The following MYOM2 variants were observed in gnomAD, a reference collection of about 807,000 sequenced individuals.
MYOM2 encodes myomesin 2, also known as myomesin-2.
A neutral mutation model predicts 187.6 loss-of-function variants in MYOM2; 254 were observed. The observed-to-expected ratio is 1.35, with a 90% CI of 1.22 to 1.50. MYOM2 has a LOEUF of 1.50. MYOM2 is among the 40% of genes most tolerant of loss of function. The pLI is 0.00. For missense variants in MYOM2, 2,796 were observed against 1,924.0 expected, an observed-to-expected ratio of 1.45 and a Z score of -8.48; for synonymous variants, 981 against 753.8, an observed-to-expected ratio of 1.30 and a Z score of -4.94.
chr8:2,096,127 A>G (rs1796473703), intron 17 of MYOM2, 120 bp from the exon 18 acceptor site: 1 of 877,838 alleles, frequency 1.1e-6, no homozygotes, highest in Non-Finnish European at 1.8e-6. Flanking sequence ...CAGAGGGCAC[A>G]GTGTTCAGGC....
At chr8:2,068,475 G>C (rs544267294) in intron 6 of MYOM2, among the ~76,000 whole-genome samples, 1 of 149,652 alleles carries the variant, frequency 6.7e-6, no homozygotes, top group African/African-American at 2.5e-5. Flanking sequence ...AGAGCATCCC[G>C]TGGGCAGCTC....
rs547293879 is a variant in MYOM2, at chr8:2,085,574, T to A, written c.1644+184T>A. ...TGTCATGATCTCTGCGTGGCCCCAC[T>A]GTTGTGATCTCTGCGTGGCCCCACT... On this transcript the variant is annotated intron_variant, in intron 14 of 36. Transcript: ENST00000262113. Among the ~76,000 whole-genome samples, 16 of 16,906 alleles carry A rather than the reference T, an allele frequency of 9.5e-4. 7 individuals carry two copies. Among genetic ancestry groups the A allele is most frequent in the Admixed American group, 3.1e-3 (4 of 1,282 alleles). The allele number at this position is 16,906 out of a possible 152,430, so 11.1% of individuals were successfully genotyped here.
intron 8 of MYOM2, among the ~76,000 whole-genome samples, chr8:2,071,327 G>T (rs1185923543): frequency 6.6e-6 from 1 of 152,032 alleles, no homozygotes; most frequent in Non-Finnish European, 1.5e-5. Flanking sequence ...CTACATGCAT[G>T]TGTCTGTAAA....
At chr8:2,070,018 C>T (rs776873602) in intron 8 of MYOM2, among the ~76,000 whole-genome samples, 68 of 152,318 alleles carry the variant, frequency 4.5e-4, no homozygotes, top group South Asian at 6.2e-4. Context: ...CCGCCCCAGG[C>T]CTAGGACCTG....
intron 2 of MYOM2, 98 bp from the exon 3 acceptor site, chr8:2,052,060 G>C (rs775175080): frequency 6.8e-7 from 1 of 1,469,196 alleles, no homozygotes; most frequent in Non-Finnish European, 9.4e-7. Flanking sequence ...GCATATACCA[G>C]TGGTTTGGGG....
rs145770933 is a variant in MYOM2 at position 2,105,757 on chromosome 8, A to C, written c.2735-485A>C. Among the ~76,000 whole-genome samples, 11 of 152,354 alleles carry C rather than the reference A, an allele frequency of 7.2e-5. No individual in the cohort carries two copies. The East Asian group carries it at 1.7e-3, about 24-fold the overall frequency. ...GTGTTTTCTCTCTCACGATTCTCTC[A>C]TCAGTCCTGGGTCATTAAATGCAAC... is the stretch of plus-strand genomic sequence containing the variant. On this transcript the variant is annotated intron_variant, in intron 21 of 36. Transcript: ENST00000262113.
At chr8:2,091,561 C>T (rs961065976) in intron 15 of MYOM2, among the ~76,000 whole-genome samples, 3 of 152,180 alleles carry the variant, frequency 2.0e-5, no homozygotes, top group Non-Finnish European at 4.4e-5. Flanking sequence ...GGGTGCCCTC[C>T]ACCCTCTCTC....
chr8:2,140,725 A>T lies in MYOM2; in HGVS notation c.3803A>T (p.Asp1268Val), dbSNP rs765539231. Residue 1268 changes from aspartate (D) to valine (V), a missense_variant and splice_region_variant, in exon 33 of 37, where the codon GAT becomes GTT. Transcript: ENST00000262113. ...ACGTTCCTGTTGCTCTTTTCAAGAG[A>T]TGCTAAGATCTCATCCAGTGAGCAT... is the stretch of plus-strand genomic sequence containing the variant. Reference protein sequence around the residue: ...DEMKVNWCHKDAKISSSEHMR... With the variant: ...DEMKVNWCHKVAKISSSEHMR... 4 of 1,613,702 alleles carry T rather than the reference A, an allele frequency of 2.5e-6. No individual in the cohort carries two copies. The highest frequency in any genetic ancestry group is 3.4e-6 in the Non-Finnish European group (4 of 1,179,772).
At chr8:2,109,218 C>A in intron 24 of MYOM2, 177 bp from the exon 25 acceptor site, 2 of 718,508 alleles carry the variant, frequency 2.8e-6, no homozygotes, top group Non-Finnish European at 4.3e-6. Flanking sequence ...GCTTTAGAGG[C>A]AACAACAGGC....
In MYOM2 at chr8:2,108,950, C is replaced by G. The variant is rs1018979261; in HGVS notation, c.3043+120C>G. 4 of 971,078 alleles carry G rather than the reference C, an allele frequency of 4.1e-6. No individual in the cohort carries two copies. The African/African-American group carries it at 4.9e-5, about 12-fold the overall frequency. The allele number at this position is 971,078 out of a possible 1,614,324, so 60.2% of individuals were successfully genotyped here. A position where few individuals can be genotyped will look rare whatever the true frequency, so the allele number is the denominator to read the frequency against. On this transcript the variant is annotated intron_variant, in intron 24 of 36. Coordinates refer to ENST00000262113, the MANE Select transcript of MYOM2 (RefSeq NM_003970.4). ...GAAAGGATGGCCTGATTTCCTGATCCCAGCTTACAGGATTGAAACCTATTG... is the reference window on the plus strand; with the variant it reads ...GAAAGGATGGCCTGATTTCCTGATCGCAGCTTACAGGATTGAAACCTATTG...
intron 6 of MYOM2, among the ~76,000 whole-genome samples, chr8:2,060,911 G>T (rs1020642199): frequency 5.9e-5 from 9 of 152,146 alleles, no homozygotes; most frequent in African/African-American, 2.2e-4. Context: ...AGGAAAGTGG[G>T]AGTGAGACCA....
chr8:2,100,011 C>CCTT (rs1363029130), intron 19 of MYOM2, among the ~76,000 whole-genome samples: 15 of 65,398 alleles, frequency 2.3e-4, no homozygotes, highest in South Asian at 1.4e-3. Flanking sequence ...TTCCTTCCTT[C>CCTT]CTTTCTTTCC....
At chr8:2,092,544 G>A in intron 16 of MYOM2, 24 bp downstream of exon 16, 1 of 1,611,026 alleles carries the variant, frequency 6.2e-7, no homozygotes, top group Non-Finnish European at 8.5e-7. Flanking sequence ...CCCCAGCCCT[G>A]GAGTCAGCCT....
chr8:2,073,035 C>T (rs766081281), intron 9 of MYOM2, among the ~76,000 whole-genome samples: 6 of 152,198 alleles, frequency 3.9e-5, no homozygotes, highest in African/African-American at 1.4e-4. Context: ...GGCCGTCCAG[C>T]AGAGAAGCAG....
Position 2,052,320 on chromosome 8 carries a change from A to T in MYOM2, c.263+7A>T. ...AGCAGGAGAACAGAAGCAGGTGAGC[A>T]CATGGCTTCCCTGACTCCACTTGTG... On this transcript the variant is annotated splice_region_variant and intron_variant, in intron 3 of 36. Transcript: ENST00000262113. 1 of 1,593,056 alleles carries T rather than the reference A, an allele frequency of 6.3e-7. No individual in the cohort carries two copies. Among genetic ancestry groups the T allele is most frequent in the Non-Finnish European group, 8.6e-7 (1 of 1,168,794 alleles).
intron 31 of MYOM2, among the ~76,000 whole-genome samples, chr8:2,125,350 T>C (rs1797599257): frequency 6.6e-6 from 1 of 152,196 alleles, no homozygotes; most frequent in African/African-American, 2.4e-5. Context: ...GAGACTGTCT[T>C]TCCCTATTGT....
Position 2,100,969 on chromosome 8 carries a change from C to G in MYOM2, c.2534C>G (p.Ser845Cys). Reference sequence around the variant, plus strand: ...GTGTACTCCGGCAGCAGCCCTGTTTCTGGATATTTCGTGGACTTCAGGGAG... The same window carrying G: ...GTGTACTCCGGCAGCAGCCCTGTTTGTGGATATTTCGTGGACTTCAGGGAG... ...APVYSGSSPV[S>C]GYFVDFREED... Residue 845 changes from serine (S) to cysteine (C), a missense_variant, in exon 20 of 37, where the codon TCT (serine) becomes TGT (cysteine). Ser to Cys is a moderately radical substitution (Grantham distance 112). Coordinates refer to ENST00000262113, the MANE Select transcript of MYOM2 (RefSeq NM_003970.4). The G allele has an allele frequency of 6.2e-7, 1 of 1,614,188 alleles. No homozygotes were observed.
intron 31 of MYOM2, among the ~76,000 whole-genome samples, chr8:2,124,680 C>T (rs563165351): frequency 3.9e-5 from 6 of 152,204 alleles, no homozygotes; most frequent in Non-Finnish European, 8.8e-5. Context: ...ACTCCACACT[C>T]TTTTCTATAG....
intron 5 of MYOM2, among the ~76,000 whole-genome samples, chr8:2,058,753 T>C (rs1818755630): frequency 6.6e-6 from 1 of 152,094 alleles, no homozygotes; most frequent in Non-Finnish European, 1.5e-5. Flanking sequence ...GATGGAGCCA[T>C]GAAGCCAGCT....
Sources: allele counts gnomAD v4.1 joint callset (sites outside exome capture counted in the v4.1 genomes callset), GRCh38; gene constraint gnomAD v4.1.1; transcripts MANE v1.5; gene names NCBI Gene and HGNC (gene_info 2026-07-23, HGNC 2026-07-21).